Variants in RAB3GAP2 observed in about 807,000 individuals in gnomAD.
The protein encoded by RAB3GAP2 is rab3 GTPase-activating protein non-catalytic subunit.
Under a neutral mutation model 185.3 loss-of-function variants are expected in RAB3GAP2, and 87 were observed. The observed-to-expected ratio is 0.47, with a 90% CI of 0.39 to 0.56. RAB3GAP2 has a LOEUF of 0.56. Ranked by LOEUF, RAB3GAP2 falls within the 20% of genes least tolerant of loss-of-function variation. The pLI is 0.00. For missense variants in RAB3GAP2, 1,492 were observed against 1,638.2 expected (o/e 0.91, Z 1.54); for synonymous variants, 554 against 576.1 (o/e 0.96, Z 0.55).
intron 2 of RAB3GAP2, among the ~76,000 whole-genome samples, chr1:220,228,702 C>CAT (rs1312324496): frequency 6.6e-6 from 1 of 152,144 alleles, no homozygotes; most frequent in East Asian, 1.9e-4. Flanking sequence ...GTACACATGA[C>CAT]CCATGACAAG....
Position 220,208,846 on chromosome 1 carries a change from T to A in RAB3GAP2, c.612+1542A>T, listed in dbSNP as rs1659024117. Among the ~76,000 whole-genome samples, 5 of 152,252 alleles carry A rather than the reference T, an allele frequency of 3.3e-5. 1 individual carries two copies. In the South Asian group the frequency reaches 1.0e-3, roughly 32 times the overall value. The stretch of plus-strand genomic sequence containing the variant: ...ATTCTCCTGCCTCAGCCTTCCAAGT[T>A]GCTGGGACTACAGGCGCATGCCGCC... On this transcript the variant is annotated intron_variant, in intron 7 of 34. Transcript: ENST00000358951.
chr1:220,163,022 T>TA lies in RAB3GAP2; in HGVS notation c.3155-755dup, dbSNP rs1413203158. 3.3e-5 allele frequency among the ~76,000 whole-genome samples: 5 copies of TA among 152,296 alleles called. No homozygotes were observed. The Middle Eastern group carries it at 0.01, about 311-fold the overall frequency. The stretch of plus-strand genomic sequence containing the variant: ...AATTAGGCATGGTGGCACATGGCTA[T>TA]AGTCGCACTCGGAGGCTGAGGTGAT... On this transcript the variant is annotated intron_variant, in intron 27 of 34. Transcript: ENST00000358951.
At position 220,171,024 on chromosome 1, in the gene RAB3GAP2, G is replaced by A; in HGVS notation, c.2674C>T (p.Gln892Ter). ...TGAAGTATGAGACAATCCTCCAGCT[G>A]TTTCAGAAGGAGTTTCCAGTACTCA... ...DTEYWKLLLKQLEDCLILQTL... is the reference protein window; with the variant it reads ...DTEYWKLLLK The change falls in exon 24 of 35, where the codon CAG becomes TAG. Residue 892 changes from glutamine to a stop codon, truncating the protein, a stop_gained. Coordinates refer to ENST00000358951, the MANE Select transcript of RAB3GAP2 (RefSeq NM_012414.4). LOFTEE classifies it high-confidence loss of function. 1 of 1,614,126 alleles carries A rather than the reference G, an allele frequency of 6.2e-7. No homozygotes were observed. Among genetic ancestry groups the A allele is most frequent in the Non-Finnish European group, 8.5e-7 (1 of 1,180,006 alleles).
intron 1 of RAB3GAP2, among the ~76,000 whole-genome samples, chr1:220,249,382 G>T (rs895165592): frequency 2.6e-5 from 4 of 152,166 alleles, no homozygotes; most frequent in Non-Finnish European, 5.9e-5. Flanking sequence ...TTATACTTTA[G>T]CAAAAAGACT....
Position 220,149,716 on chromosome 1 carries a change from C to G in RAB3GAP2, c.*1535G>C, listed in dbSNP as rs1028242366. ...TGTATGTCTCAATCAGACTCACAGG[C>G]CCCCATCCCAAATACTCAAGACATC... On this transcript the variant is annotated 3_prime_UTR_variant, in exon 35 of 35. Transcript: ENST00000358951. The G allele has an allele frequency of 3.9e-5, 6 of 152,260 alleles. No homozygotes were observed. The highest frequency in any genetic ancestry group is 2.9e-5 in the Non-Finnish European group (2 of 68,018). The allele number at this position is 152,260 out of a possible 1,614,324, so 9.4% of individuals were successfully genotyped here.
At chr1:220,164,595 C>A in intron 27 of RAB3GAP2, 138 bp downstream of exon 27, 1 of 1,270,920 alleles carries the variant, frequency 7.9e-7, no homozygotes, top group Non-Finnish European at 1.1e-6. Flanking sequence ...GCACCTCAGC[C>A]AATACACAGT....
At chr1:220,261,065 T>C (rs1273576651) in intron 1 of RAB3GAP2, among the ~76,000 whole-genome samples, 1 of 152,044 alleles carries the variant, frequency 6.6e-6, no homozygotes, top group African/African-American at 2.4e-5. Flanking sequence ...TGATTTTACA[T>C]ACTTTAAAAA....
intron 4 of RAB3GAP2, 126 bp from the exon 5 acceptor site, chr1:220,211,128 A>G (rs189448088): frequency 4.6e-6 from 4 of 875,716 alleles, no homozygotes; most frequent in Non-Finnish European, 3.7e-6. Flanking sequence ...TATTTGATGC[A>G]TAAGTAAAAA....
chr1:220,152,075 CTTTT>C (rs918649857), intron 33 of RAB3GAP2, among the ~76,000 whole-genome samples: 1 of 151,808 alleles, frequency 6.6e-6, no homozygotes, highest in South Asian at 2.1e-4. Context: ...CCTCTAATGG[CTTTT>C]TTTTGTTGTT....
chr1:220,218,548 T>C (rs1404602982), intron 2 of RAB3GAP2, among the ~76,000 whole-genome samples: 3 of 151,812 alleles, frequency 2.0e-5, no homozygotes, highest in African/African-American at 4.8e-5. Flanking sequence ...ATGAGAACAC[T>C]TGGACACAGG....
chr1:220,266,972 C>A, intron 1 of RAB3GAP2: 1 of 1,607,394 alleles, frequency 6.2e-7, no homozygotes, highest in Non-Finnish European at 8.5e-7. Context: ...CAAAGAACTC[C>A]AAGGCTCCAG....
rs768043319 is a variant in RAB3GAP2 at position 220,153,175 on chromosome 1, T to C, written c.3867+10A>G. Reference sequence around the variant, plus strand: ...TTGAGCCCAATTAACATTCAAAGGGTCATGATTACCTCTTCTCCTAAGTGG... The same window carrying C: ...TTGAGCCCAATTAACATTCAAAGGGCCATGATTACCTCTTCTCCTAAGTGG... On this transcript the variant is annotated intron_variant, in intron 33 of 34. Transcript: ENST00000358951. 1 of 1,586,064 alleles carries C rather than the reference T, an allele frequency of 6.3e-7. No homozygotes were observed. Among genetic ancestry groups the C allele is most frequent in the Non-Finnish European group, 8.7e-7 (1 of 1,154,668 alleles).
chr1:220,175,792 T>G (rs898494897), intron 21 of RAB3GAP2, among the ~76,000 whole-genome samples: 1 of 152,190 alleles, frequency 6.6e-6, no homozygotes, highest in Non-Finnish European at 1.5e-5. Context: ...ACTTTGCTTC[T>G]TATTTCTCCC....
intron 2 of RAB3GAP2, among the ~76,000 whole-genome samples, chr1:220,223,051 T>C (rs1659336623): frequency 6.6e-6 from 1 of 152,232 alleles, no homozygotes; most frequent in Admixed American, 6.5e-5. Flanking sequence ...TGTTTTGTTT[T>C]TGTTTTTTTG....
chr1:220,256,344 T>C (rs544805905), intron 1 of RAB3GAP2, among the ~76,000 whole-genome samples: 1 of 152,246 alleles, frequency 6.6e-6, no homozygotes, highest in African/African-American at 2.4e-5. Flanking sequence ...AGCAACCATA[T>C]AAACAAGTCT....
chr1:220,195,435 C>T (rs886529869), intron 10 of RAB3GAP2, 58 bp from the exon 11 acceptor site: 27 of 1,423,108 alleles, frequency 1.9e-5, no homozygotes, highest in Non-Finnish European at 2.5e-5. Flanking sequence ...AACAAACATA[C>T]TTTCTAAATA....
At chr1:220,192,948 T>A (rs1658652132) in intron 13 of RAB3GAP2, among the ~76,000 whole-genome samples, 1 of 152,094 alleles carries the variant, frequency 6.6e-6, no homozygotes, top group Non-Finnish European at 1.5e-5. Flanking sequence ...TGAAGGGGAA[T>A]AAATGTAGCA....
chr1:220,173,425 T>C (rs1436021772), intron 21 of RAB3GAP2, among the ~76,000 whole-genome samples: 2 of 152,204 alleles, frequency 1.3e-5, no homozygotes, highest in Non-Finnish European at 1.5e-5. Flanking sequence ...CTGAAAGGCC[T>C]TGATTAATTA....
chr1:220,260,960 T>C (rs1336640937), intron 1 of RAB3GAP2, among the ~76,000 whole-genome samples: 1 of 152,126 alleles, frequency 6.6e-6, no homozygotes, highest in Non-Finnish European at 1.5e-5. Flanking sequence ...TAAATAGCCA[T>C]ATGTAGCTAG....
Sources: gnomAD v4.1 joint callset for allele counts (sites outside exome capture counted in the v4.1 genomes callset) on GRCh38, gnomAD v4.1.1 for gene constraint, MANE v1.5 for transcripts, NCBI Gene and HGNC (gene_info 2026-07-23, HGNC 2026-07-21) for gene names.